Variants in BTD observed in about 807,000 individuals in gnomAD.
BTD encodes the protein biotinidase, also known as biocytinase.
BTD carries 13 observed loss-of-function variants against 17.7 expected under a neutral mutation model. The observed-to-expected ratio is 0.74, with a 90% CI of 0.48 to 1.17. The LOEUF (loss-of-function observed/expected upper bound fraction) is 1.17. BTD is among the 50% of genes most tolerant of loss of function. BTD has a pLI of 0.00. For synonymous variants in BTD, 240 were observed against 245.2 expected (o/e 0.98, Z 0.20); for missense variants, 674 against 650.4 (o/e 1.04, Z -0.39).
intron 1 of BTD, among the ~76,000 whole-genome samples, chr3:15,633,384 A>G (rs9310480): frequency 0.043 from 6,551 of 152,222 alleles, 403 homozygotes; most frequent in African/African-American, 0.14. Context: ...ATAACCTCTT[A>G]TTATCGACCT....
At chr3:15,665,694 G>C (rs1559290794) in intron 3 of BTD, among the ~76,000 whole-genome samples, 1 of 152,216 alleles carries the variant, frequency 6.6e-6, no homozygotes, top group Non-Finnish European at 1.5e-5. Context: ...CCATCCCACG[G>C]AGGTAGGGCG....
chr3:15,677,669 C>T (rs1477641761), intron 3 of BTD: 2 of 694,908 alleles, frequency 2.9e-6, no homozygotes, highest in East Asian at 2.8e-5. Flanking sequence ...GTCCCTCTCA[C>T]AAAAACTTAA....
chr3:15,665,937 T>G (rs2065979334), intron 3 of BTD, among the ~76,000 whole-genome samples: 1 of 152,184 alleles, frequency 6.6e-6, no homozygotes, highest in Non-Finnish European at 1.5e-5. Flanking sequence ...CTTGAAGCAG[T>G]TACCCACACA....
At chr3:15,622,977 C>T (rs1282281504) in intron 1 of BTD, among the ~76,000 whole-genome samples, 1 of 152,194 alleles carries the variant, frequency 6.6e-6, no homozygotes, top group Non-Finnish European at 1.5e-5. Context: ...CACAGTTCCA[C>T]ATGGCTGGGG....
chr3:15,681,380 T>C (rs925948586), intron 3 of BTD, among the ~76,000 whole-genome samples: 1 of 152,194 alleles, frequency 6.6e-6, no homozygotes, highest in African/African-American at 2.4e-5. Context: ...CAATATCTGG[T>C]CCATAGTTTT....
At chr3:15,602,904 G>A (rs2064315000) in intron 1 of BTD, among the ~76,000 whole-genome samples, 1 of 152,174 alleles carries the variant, frequency 6.6e-6, no homozygotes, top group Non-Finnish European at 1.5e-5. Flanking sequence ...AGAAAAAGAG[G>A]TTTAATGGTC....
intron 1 of BTD, among the ~76,000 whole-genome samples, chr3:15,606,241 G>C (rs548599390): frequency 1.3e-5 from 2 of 152,094 alleles, no homozygotes; most frequent in South Asian, 4.1e-4. Context: ...ATAGTTACTT[G>C]GGCCCTACCC....
chr3:15,647,862 G>C lies in BTD; in HGVS notation c.*2374G>C, dbSNP rs1259652317. Among the ~76,000 whole-genome samples, 1 of 152,180 alleles carries C rather than the reference G, an allele frequency of 6.6e-6. No homozygotes were observed. Among genetic ancestry groups the C allele is most frequent in the Admixed American group, 6.5e-5 (1 of 15,290 alleles). ...CGGGAAGTGAGAGGCACAGTGAGCT[G>C]TATTCACACTGGATTTAAAAGCCCT... On this transcript the variant is annotated 3_prime_UTR_variant, in exon 4 of 4. Coordinates refer to ENST00000643237, the MANE Select transcript of BTD (RefSeq NM_001370658.1).
intron 3 of BTD, among the ~76,000 whole-genome samples, chr3:15,672,968 G>T (rs1294268704): frequency 6.6e-6 from 1 of 152,192 alleles, no homozygotes; most frequent in Non-Finnish European, 1.5e-5. Flanking sequence ...TAGAGACGGG[G>T]TTTTGCCATG....
downstream of BTD, among the ~76,000 whole-genome samples, chr3:15,655,051 A>G (rs980038974): frequency 6.6e-6 from 1 of 152,202 alleles, no homozygotes; most frequent in African/African-American, 2.4e-5. Context: ...TTTTTAAAAG[A>G]CATCAGACAC....
Position 15,645,836 on chromosome 3 carries a change from G to GT in BTD, c.*365dup, listed in dbSNP as rs1199838348. On this transcript the variant is annotated 3_prime_UTR_variant, in exon 4 of 4. Coordinates refer to ENST00000643237, the MANE Select transcript of BTD (RefSeq NM_001370658.1). ...CACATCCACAAAGCAGTGGCTTGGG[G>GT]TTTTTTTTTTTTTTTTTATCTTGTT... is the stretch of plus-strand genomic sequence containing the variant. The GT allele has an allele frequency of 0.032, 4,824 of 151,280 alleles. 35 individuals carry two copies. The highest frequency in any genetic ancestry group is 0.045 in the South Asian group (256 of 5,668). The allele number at this position is 151,280 out of a possible 1,614,324, so 9.4% of individuals were successfully genotyped here.
chr3:15,701,957 CAAGT>C (rs2070695001), intron 3 of BTD, among the ~76,000 whole-genome samples: 1 of 151,010 alleles, frequency 6.6e-6, no homozygotes, highest in Non-Finnish European at 1.5e-5. Context: ...AATCTTTAAT[CAAGT>C]TCTCTAGATG....
chr3:15,625,511 T>A (rs981678348), intron 1 of BTD, among the ~76,000 whole-genome samples: 1 of 152,186 alleles, frequency 6.6e-6, no homozygotes, highest in Non-Finnish European at 1.5e-5. Context: ...CATCTAAGAC[T>A]GGGTCCCTCT....
chr3:15,616,676 G>A (rs191275371), intron 1 of BTD, among the ~76,000 whole-genome samples: 17 of 152,172 alleles, frequency 1.1e-4, no homozygotes, highest in Admixed American at 9.2e-4. Context: ...TCTTGTCAGT[G>A]TTTTGGATTT....
downstream of BTD, among the ~76,000 whole-genome samples, chr3:15,655,748 T>G (rs1386691439): frequency 2.0e-5 from 3 of 152,228 alleles, no homozygotes; most frequent in Admixed American, 2.0e-4. Flanking sequence ...CTTTTTCTAA[T>G]AGTAAATAAG....
At chr3:15,634,250 C>T (rs940246278) in intron 1 of BTD, among the ~76,000 whole-genome samples, 4 of 152,160 alleles carry the variant, frequency 2.6e-5, no homozygotes, top group African/African-American at 4.8e-5. Context: ...TGAGTTGAGA[C>T]TTGGACAGGG....
At chr3:15,721,071 T>C in intron 4 of BTD, 1 of 1,613,856 alleles carries the variant, frequency 6.2e-7, no homozygotes, top group Non-Finnish European at 8.5e-7. Flanking sequence ...CAACATCTTG[T>C]CCATTATAGC....
chr3:15,664,915 A>G (rs143120346), intron 3 of BTD, among the ~76,000 whole-genome samples: 120 of 152,090 alleles, frequency 7.9e-4, no homozygotes, highest in African/African-American at 2.8e-3. Flanking sequence ...TACGACGCCT[A>G]TTACCTGGGT....
intron 3 of BTD, among the ~76,000 whole-genome samples, chr3:15,695,747 A>G (rs2069447381): frequency 6.6e-6 from 1 of 152,140 alleles, no homozygotes; most frequent in African/African-American, 2.4e-5. Context: ...AGGGGTTGTG[A>G]AATAAATGTG....
Sources: allele counts gnomAD v4.1 joint callset (sites outside exome capture counted in the v4.1 genomes callset), GRCh38; gene constraint gnomAD v4.1.1; transcripts MANE v1.5; gene names NCBI Gene and HGNC (gene_info 2026-07-23, HGNC 2026-07-21).